Variants in DLC1 observed in about 807,000 individuals in gnomAD.
The protein encoded by DLC1 is DLC1 Rho GTPase activating protein.
A neutral mutation model predicts 140.3 loss-of-function variants in DLC1; 54 were observed. That is an observed-to-expected ratio of 0.38 (90% CI 0.31 to 0.48). DLC1 has a LOEUF of 0.48. Among genes scored for constraint, DLC1 ranks in the 20% least tolerant of loss-of-function variants. DLC1 has a pLI of 0.96. For synonymous variants in DLC1, 986 were observed against 728.1 expected, an observed-to-expected ratio of 1.35 and a Z score of -5.70; for missense variants, 2,536 against 1,907.0, an observed-to-expected ratio of 1.33 and a Z score of -6.14.
chr8:13,331,076 C>T (rs1049905009), intron 4 of DLC1, among the ~76,000 whole-genome samples: 1 of 152,172 alleles, frequency 6.6e-6, no homozygotes, highest in Admixed American at 6.5e-5. Flanking sequence ...TCGCCCAGAG[C>T]CAGGTTCCTC....
chr8:13,198,276 C>A (rs1396351071), intron 5 of DLC1, among the ~76,000 whole-genome samples: 1 of 152,042 alleles, frequency 6.6e-6, no homozygotes, highest in Non-Finnish European at 1.5e-5. Context: ...CAGTCATTTC[C>A]CAAACTCATA....
intron 15 of DLC1, among the ~76,000 whole-genome samples, chr8:13,088,949 T>A (rs1039708435): frequency 4.6e-5 from 7 of 152,300 alleles, no homozygotes; most frequent in Non-Finnish European, 1.0e-4. Context: ...AAAGCTGTTG[T>A]CAACTCGAGT....
chr8:13,467,575 CA>C (rs1282324762), intron 2 of DLC1, among the ~76,000 whole-genome samples: 1 of 151,756 alleles, frequency 6.6e-6, no homozygotes, highest in African/African-American at 2.4e-5. Flanking sequence ...CCTGTCTTTA[CA>C]AAAAATCAGC....
chr8:13,524,501 T>C (rs1474262777), intron 1 of DLC1, among the ~76,000 whole-genome samples: 3 of 152,172 alleles, frequency 2.0e-5, no homozygotes, highest in Middle Eastern at 3.2e-3. Flanking sequence ...TAATAGTCTA[T>C]TGGTTACATG....
At chr8:13,211,656 T>C (rs1450935540) in intron 5 of DLC1, among the ~76,000 whole-genome samples, 1 of 152,218 alleles carries the variant, frequency 6.6e-6, no homozygotes, top group Non-Finnish European at 1.5e-5. Flanking sequence ...ATGCTAGTCA[T>C]GTTTCCTCTG....
chr8:13,382,204 C>A (rs1465550568), intron 4 of DLC1, among the ~76,000 whole-genome samples: 6 of 151,930 alleles, frequency 3.9e-5, no homozygotes, highest in African/African-American at 1.2e-4. Context: ...CTTCTTATTA[C>A]GTATACTGAA....
At chr8:13,592,433 A>G (rs1425877681) in intron 1 of DLC1, among the ~76,000 whole-genome samples, 6 of 151,952 alleles carry the variant, frequency 3.9e-5, no homozygotes, top group African/African-American at 1.4e-4. Context: ...TAGCAAACAT[A>G]TGGATCTTTT....
chr8:13,426,141 G>T (rs958541268), intron 2 of DLC1, among the ~76,000 whole-genome samples: 5 of 152,038 alleles, frequency 3.3e-5, no homozygotes, highest in African/African-American at 9.7e-5. Context: ...ATTTTGGCAA[G>T]GAAGAATCTG....
chr8:13,088,175 G>C (rs1434394004), intron 16 of DLC1, among the ~76,000 whole-genome samples: 1 of 152,086 alleles, frequency 6.6e-6, no homozygotes, highest in African/African-American at 2.4e-5. Context: ...CAAACTCCTG[G>C]CTCAAGGGAT....
At chr8:13,115,984 A>G (rs1053920859) in intron 5 of DLC1, among the ~76,000 whole-genome samples, 1 of 152,232 alleles carries the variant, frequency 6.6e-6, no homozygotes, top group African/African-American at 2.4e-5. Flanking sequence ...AGTTGAAGAG[A>G]GATTTAATAA....
chr8:13,516,479 T>A (rs1802591821), upstream of DLC1, among the ~76,000 whole-genome samples: 1 of 152,168 alleles, frequency 6.6e-6, no homozygotes, highest in African/African-American at 2.4e-5. Flanking sequence ...AACTACTATT[T>A]TTTTCCTTAT....
chr8:13,162,562 A>G (rs951147304), intron 5 of DLC1, among the ~76,000 whole-genome samples: 1 of 152,126 alleles, frequency 6.6e-6, no homozygotes, highest in African/African-American at 2.4e-5. Flanking sequence ...ACCTCAGGCG[A>G]TCTCCCCGCC....
rs184917716 is a variant in DLC1 at position 13,272,463 on chromosome 8, C to T, written c.1348+32806G>A. On this transcript the variant is annotated intron_variant, in intron 5 of 17. Coordinates refer to ENST00000276297, the MANE Select transcript of DLC1 (RefSeq NM_182643.3). ...CTCAGCAAACAAACAAACAAACAAA[C>T]AAAAAAGACTAGTATTTAATTTCTT... Among the ~76,000 whole-genome samples the T allele has an allele frequency of 5.5e-4, 83 of 151,882 alleles. No homozygotes were observed. The South Asian group carries it at 7.5e-3, about 14-fold the overall frequency.
chr8:13,479,363 A>C lies in DLC1; in HGVS notation c.1023+19686T>G, dbSNP rs536181661. On this transcript the variant is annotated intron_variant, in intron 2 of 17. Coordinates refer to ENST00000276297, the MANE Select transcript of DLC1 (RefSeq NM_182643.3). ...AAGATCTCACAATAAGCAAAGCAAAAATACAAAAAAAGGTCGCATAATGAG... is the reference window on the plus strand; with the variant it reads ...AAGATCTCACAATAAGCAAAGCAAACATACAAAAAAAGGTCGCATAATGAG... 3.9e-5 allele frequency among the ~76,000 whole-genome samples: 6 copies of C among 152,320 alleles called. No homozygotes were observed. The South Asian group carries it at 1.2e-3, about 32-fold the overall frequency.
chr8:13,453,421 T>TAGAA (rs1799184634), intron 2 of DLC1, among the ~76,000 whole-genome samples: 1 of 40,694 alleles, frequency 2.5e-5, no homozygotes, highest in Non-Finnish European at 3.9e-5. Context: ...TATATATATA[T>TAGAA]ATGTGTATAT....
chr8:13,449,819 T>TA (rs916408673), intron 2 of DLC1, among the ~76,000 whole-genome samples: 16 of 151,796 alleles, frequency 1.1e-4, no homozygotes, highest in East Asian at 1.9e-4. Flanking sequence ...TAAAGTATAA[T>TA]AAAAAAAATC....
chr8:13,372,112 A>G lies in DLC1; in HGVS notation c.1314+21441T>C, dbSNP rs1181206300. Among the ~76,000 whole-genome samples the G allele has an allele frequency of 2.0e-5, 3 of 151,838 alleles. No individual in the cohort carries two copies. In the East Asian group the frequency reaches 5.8e-4, roughly 29 times the overall value. On this transcript the variant is annotated intron_variant, in intron 4 of 17. Transcript: ENST00000276297. ...TAGGAAATAGTCACAACTCGTTACCATTTACATTTCACTTGTTATTTCTTC... is the reference window on the plus strand; with the variant it reads ...TAGGAAATAGTCACAACTCGTTACCGTTTACATTTCACTTGTTATTTCTTC...
At chr8:13,090,786 T>C (rs1472901544) in intron 14 of DLC1, among the ~76,000 whole-genome samples, 1 of 150,364 alleles carries the variant, frequency 6.7e-6, no homozygotes, top group East Asian at 1.9e-4. Flanking sequence ...CCAGATAATT[T>C]GTTGCTTTTT....
At position 13,594,306 on chromosome 8, in the gene DLC1, A is replaced by G. The variant is rs77623441; in HGVS notation, c.-126+10231T>C. ...CCTTTTTATTGATTTTGCCTGAGAC[A>G]CTGACAGACCTTTCAATGCAGCCTA... On this transcript the variant is annotated intron_variant, in intron 1 of 1. Coordinates refer to the DLC1 transcript ENST00000631382. 4.7e-3 allele frequency among the ~76,000 whole-genome samples: 709 copies of G among 152,258 alleles called. 9 individuals are homozygous for G. The highest frequency in any genetic ancestry group is 0.016 in the African/African-American group (674 of 41,564).
Sources: gnomAD v4.1 joint callset for allele counts (sites outside exome capture counted in the v4.1 genomes callset) on GRCh38, gnomAD v4.1.1 for gene constraint, MANE v1.5 for transcripts, NCBI Gene and HGNC (gene_info 2026-07-23, HGNC 2026-07-21) for gene names.